The following FUT8 variants were observed in gnomAD, a reference collection of about 807,000 sequenced individuals.
FUT8 encodes alpha-(1,6)-fucosyltransferase.
A neutral mutation model predicts 71.3 loss-of-function variants in FUT8; 29 were observed. The observed-to-expected ratio is 0.41, with a 90% CI of 0.30 to 0.55. The LOEUF (loss-of-function observed/expected upper bound fraction) is 0.55. Ranked by LOEUF, FUT8 falls within the 20% of genes least tolerant of loss-of-function variation. The probability of loss-of-function intolerance (pLI) is 0.34; values close to 1 mark genes in which losing one functional copy is unlikely to be tolerated. For synonymous variants in FUT8, 254 were observed against 239.3 expected (o/e 1.06, Z -0.57); for missense variants, 544 against 702.1 (o/e 0.77, Z 2.55).
intron 2 of FUT8, among the ~76,000 whole-genome samples, chr14:65,495,709 T>C (rs1275457852): frequency 6.6e-6 from 1 of 152,216 alleles, no homozygotes; most frequent in Non-Finnish European, 1.5e-5. Flanking sequence ...ACTTATCATT[T>C]TTCCATTTTC....
chr14:65,580,870 T>C (rs1887053976), intron 3 of FUT8, among the ~76,000 whole-genome samples: 1 of 152,054 alleles, frequency 6.6e-6, no homozygotes, highest in Non-Finnish European at 1.5e-5. Context: ...CTAGACACAG[T>C]GTGGATTGGA....
chr14:65,372,840 C>T, the FUT8 span, among the ~76,000 whole-genome samples: 1 of 152,094 alleles, frequency 6.6e-6, no homozygotes, highest in Admixed American at 6.6e-5. Flanking sequence ...CTCCTGAGTT[C>T]CTTTGTACTC....
intron 1 of FUT8, among the ~76,000 whole-genome samples, chr14:65,425,474 T>C (rs2065371319): frequency 6.6e-6 from 1 of 151,760 alleles, no homozygotes; most frequent in East Asian, 1.9e-4. Context: ...GGCCGTTTTT[T>C]TTTTTTTTTT....
chr14:65,667,669 A>G (rs1393798673), intron 6 of FUT8, among the ~76,000 whole-genome samples: 3 of 152,108 alleles, frequency 2.0e-5, no homozygotes, highest in Non-Finnish European at 2.9e-5. Context: ...ACTAGAAAAA[A>G]CTGATTTAAA....
intron 1 of FUT8, among the ~76,000 whole-genome samples, chr14:65,438,033 G>T (rs1366995126): frequency 6.6e-6 from 1 of 152,058 alleles, no homozygotes; most frequent in Non-Finnish European, 1.5e-5. Context: ...AACTATTTTG[G>T]CTCACACTTT....
intron 2 of FUT8, among the ~76,000 whole-genome samples, chr14:65,464,931 C>T (rs1327952427): frequency 5.3e-5 from 8 of 152,098 alleles, no homozygotes; most frequent in Admixed American, 3.9e-4. Flanking sequence ...ATAGAATTCA[C>T]GAATGAATTA....
intron 6 of FUT8, among the ~76,000 whole-genome samples, chr14:65,632,235 G>T (rs1161645360): frequency 6.6e-6 from 1 of 152,174 alleles, no homozygotes; most frequent in African/African-American, 2.4e-5. Context: ...TTACTGGGTA[G>T]ATACCCAGTA....
chr14:65,382,966 T>A, the FUT8 span, among the ~76,000 whole-genome samples: 3 of 152,162 alleles, frequency 2.0e-5, no homozygotes, highest in East Asian at 5.8e-4. Context: ...TTTCTCATGC[T>A]GCCAAGCTGG....
intron 7 of FUT8, among the ~76,000 whole-genome samples, chr14:65,687,066 G>C (rs570690359): frequency 1.5e-4 from 23 of 152,146 alleles, no homozygotes; most frequent in Non-Finnish European, 2.9e-4. Context: ...GTTGGTTAGA[G>C]GTTTCCTTGA....
In FUT8 at chr14:65,545,613, T is replaced by G. The variant is rs76440703; in HGVS notation, c.-227-15724T>G. Among the ~76,000 whole-genome samples, 1,103 of 151,986 alleles carry G rather than the reference T, an allele frequency of 7.3e-3. 9 individuals carry two copies. Among genetic ancestry groups the G allele is most frequent in the Non-Finnish European group, 0.012 (814 of 67,778 alleles). The stretch of plus-strand genomic sequence containing the variant: ...ATGTTGAATTACTTCAAGAAACACT[T>G]TGTAATAATGATTTTGGTTTTTACT... On this transcript the variant is annotated intron_variant, in intron 2 of 10. Transcript: ENST00000673929.
At chr14:65,370,201 C>CTTTTTTTTTTTTTTTTTTTTTTTTTT in the FUT8 span, among the ~76,000 whole-genome samples, 4 of 58,442 alleles carry the variant, frequency 6.8e-5, no homozygotes, top group African/African-American at 1.3e-4. Flanking sequence ...CACACATAGT[C>CTTTTTTTTTTTTTTTTTTTTTTTTTT]TTTTTTTTTT....
In FUT8 at chr14:65,614,044, G is replaced by A. The variant is rs572964829; in HGVS notation, c.204-1934G>A. On this transcript the variant is annotated intron_variant, in intron 3 of 10. Transcript: ENST00000673929. Reference sequence around the variant, plus strand: ...CACGAGAATCATTTGAATCTGGGAGGCAGTGGTTGTGGCAAGCCAAGATCC... The same window carrying A: ...CACGAGAATCATTTGAATCTGGGAGACAGTGGTTGTGGCAAGCCAAGATCC... Among the ~76,000 whole-genome samples the A allele has an allele frequency of 1.8e-4, 27 of 150,558 alleles. 1 individual carries two copies. The East Asian group carries it at 4.3e-3, about 24-fold the overall frequency.
intron 2 of FUT8, among the ~76,000 whole-genome samples, chr14:65,465,616 G>A (rs1389374585): frequency 6.6e-6 from 1 of 152,138 alleles, no homozygotes; most frequent in East Asian, 1.9e-4. Context: ...CTATGTTTTT[G>A]TTTAACTAGT....
chr14:65,676,741 T>C (rs944254902), intron 7 of FUT8, among the ~76,000 whole-genome samples: 1 of 152,142 alleles, frequency 6.6e-6, no homozygotes, highest in African/African-American at 2.4e-5. Flanking sequence ...CACCAAAGTA[T>C]AGAAAAAGAA....
At chr14:65,716,619 A>C (rs979519796) in intron 7 of FUT8, among the ~76,000 whole-genome samples, 1 of 152,074 alleles carries the variant, frequency 6.6e-6, no homozygotes, top group Non-Finnish European at 1.5e-5. Flanking sequence ...GGAGTCTCCT[A>C]TGTCTACTTC....
the FUT8 span, among the ~76,000 whole-genome samples, chr14:65,394,029 T>C: frequency 7.0e-3 from 1,062 of 152,300 alleles, 10 homozygotes; most frequent in African/African-American, 0.024. Context: ...CAATCTTGGA[T>C]AACCAAAACC....
chr14:65,522,409 G>A (rs1303857968), intron 2 of FUT8, among the ~76,000 whole-genome samples: 1 of 151,754 alleles, frequency 6.6e-6, no homozygotes, highest in Non-Finnish European at 1.5e-5. Flanking sequence ...GAAATTAGGT[G>A]TTCTTGGGTT....
At chr14:65,370,661 T>G in the FUT8 span, among the ~76,000 whole-genome samples, 1 of 151,042 alleles carries the variant, frequency 6.6e-6, no homozygotes, top group Admixed American at 6.6e-5. Context: ...TTATATATTA[T>G]GTATATAATT....
chr14:65,667,617 C>T (rs1480949285), intron 6 of FUT8, among the ~76,000 whole-genome samples: 1 of 152,122 alleles, frequency 6.6e-6, no homozygotes, highest in Non-Finnish European at 1.5e-5. Context: ...TCTACAGATT[C>T]TATGCTATTC....
Sources: allele counts gnomAD v4.1 joint callset (sites outside exome capture counted in the v4.1 genomes callset), GRCh38; gene constraint gnomAD v4.1.1; transcripts MANE v1.5; gene names NCBI Gene and HGNC (gene_info 2026-07-23, HGNC 2026-07-21).